The following WWOX variants were observed in gnomAD, a reference collection of about 807,000 sequenced individuals.
The protein encoded by WWOX is WW domain containing oxidoreductase, also known as WW domain-containing oxidoreductase.
WWOX carries 69 observed loss-of-function variants against 46.2 expected under a neutral mutation model. The observed-to-expected ratio is 1.49, with a 90% CI of 1.23 to 1.82. The LOEUF (loss-of-function observed/expected upper bound fraction) is 1.82. Ranked by LOEUF, WWOX falls within the 40% of genes most tolerant of loss-of-function variation. The pLI, the probability that WWOX is intolerant of heterozygous loss-of-function variation, is 0.00. For missense variants in WWOX, 919 were observed against 542.6 expected (o/e 1.69, Z -6.89); for synonymous variants, 359 against 202.6 (o/e 1.77, Z -6.56).
chr16:79,156,044 A>C (rs2050375250), intron 8 of WWOX, among the ~76,000 whole-genome samples: 1 of 152,224 alleles, frequency 6.6e-6, no homozygotes. Flanking sequence ...AATTTCCAGG[A>C]AATCAGACAG....
intron 8 of WWOX, among the ~76,000 whole-genome samples, chr16:78,823,283 G>A (rs2051555168): frequency 6.6e-6 from 1 of 152,202 alleles, no homozygotes; most frequent in Admixed American, 6.5e-5. Context: ...TGGGGCGGCT[G>A]GCGGGTTGGG....
chr16:79,150,998 A>G lies in WWOX; in HGVS notation c.1057-60610A>G, dbSNP rs541099800. Reference sequence around the variant, plus strand: ...TCTCCCTGATTTGAGGCTTTGTAGGACGTTGCACAGGAATTATTTCCCTTT... The same window carrying G: ...TCTCCCTGATTTGAGGCTTTGTAGGGCGTTGCACAGGAATTATTTCCCTTT... On this transcript the variant is annotated intron_variant, in intron 8 of 8. Coordinates refer to ENST00000566780, the MANE Select transcript of WWOX (RefSeq NM_016373.4). 2.0e-5 allele frequency among the ~76,000 whole-genome samples: 3 copies of G among 152,282 alleles called. No individual in the cohort carries two copies. In the South Asian group the frequency reaches 6.2e-4, roughly 32 times the overall value.
chr16:79,045,526 T>C (rs1040700909), intron 8 of WWOX, among the ~76,000 whole-genome samples: 7 of 152,188 alleles, frequency 4.6e-5, no homozygotes, highest in Non-Finnish European at 1.0e-4. Flanking sequence ...GATGAGAAAT[T>C]TCTCCATTCC....
intron 5 of WWOX, among the ~76,000 whole-genome samples, chr16:78,304,575 G>T (rs1053794000): frequency 1.3e-5 from 2 of 152,186 alleles, no homozygotes; most frequent in Non-Finnish European, 2.9e-5. Flanking sequence ...ATTTCATAGA[G>T]ACTTTTTCAT....
intron 8 of WWOX, among the ~76,000 whole-genome samples, chr16:78,547,029 G>C (rs2044049810): frequency 6.6e-6 from 1 of 150,664 alleles, no homozygotes; most frequent in Non-Finnish European, 1.5e-5. Context: ...TTGGGAGGCT[G>C]AGGTTCGAGG....
In WWOX at chr16:78,148,962, G is replaced by A. The variant is rs369696308; in HGVS notation, c.410-15221G>A. Among the ~76,000 whole-genome samples, 46 of 150,800 alleles carry A rather than the reference G, an allele frequency of 3.1e-4. No homozygotes were observed. In the South Asian group the frequency reaches 5.5e-3, roughly 18 times the overall value. On this transcript the variant is annotated intron_variant, in intron 4 of 8. Transcript: ENST00000566780. Reference sequence around the variant, plus strand: ...ATTTTGATTACAAAAAATTTCATGCGGTGTTACTTTCTTTTTATTGGTAGA... The same window carrying A: ...ATTTTGATTACAAAAAATTTCATGCAGTGTTACTTTCTTTTTATTGGTAGA...
At chr16:78,260,271 A>T (rs2038244040) in intron 5 of WWOX, among the ~76,000 whole-genome samples, 2 of 151,730 alleles carry the variant, frequency 1.3e-5, no homozygotes, top group Admixed American at 1.3e-4. Flanking sequence ...GTTAAAAGAG[A>T]AACAAACAGA....
Position 78,676,826 on chromosome 16 carries a change from C to G in WWOX, c.1056+244074C>G, listed in dbSNP as rs777315094. ...CTGATGAACTTTACCTTGATAGGAC[C>G]TCAGGAAAAATAATATTTTCTTAAA... On this transcript the variant is annotated intron_variant, in intron 8 of 8. Transcript: ENST00000566780. 9.2e-5 allele frequency among the ~76,000 whole-genome samples: 14 copies of G among 152,108 alleles called. No individual in the cohort carries two copies. In the East Asian group the frequency reaches 2.5e-3, roughly 27 times the overall value.
chr16:79,091,728 C>G (rs2048963594), intron 8 of WWOX, among the ~76,000 whole-genome samples: 2 of 151,168 alleles, frequency 1.3e-5, no homozygotes, highest in South Asian at 2.1e-4. Context: ...TTGGTTTTCT[C>G]AAGAGGGTTT....
At chr16:79,078,842 G>A (rs1333807715) in intron 8 of WWOX, among the ~76,000 whole-genome samples, 1 of 152,110 alleles carries the variant, frequency 6.6e-6, no homozygotes, top group Admixed American at 6.6e-5. Flanking sequence ...AAAGTGACAT[G>A]GTCCATTTAA....
intron 8 of WWOX, among the ~76,000 whole-genome samples, chr16:78,540,240 G>GAA (rs543785112): frequency 1.3e-4 from 18 of 136,728 alleles, no homozygotes; most frequent in Non-Finnish European, 1.8e-4. Context: ...AGGAGCAACA[G>GAA]AAAAAAAAAA....
At chr16:78,850,163 AGTGT>A (rs1031014691) in intron 8 of WWOX, among the ~76,000 whole-genome samples, 3 of 151,828 alleles carry the variant, frequency 2.0e-5, no homozygotes, top group African/African-American at 4.8e-5. Context: ...AGTGTGTGTG[AGTGT>A]GTGTGTGTAA....
At chr16:78,608,405 A>G (rs1026083857) in intron 8 of WWOX, among the ~76,000 whole-genome samples, 2 of 152,224 alleles carry the variant, frequency 1.3e-5, no homozygotes, top group South Asian at 2.1e-4. Context: ...CCTGTGCTAC[A>G]TAACTGTCTC....
chr16:78,612,621 A>G (rs776256936), intron 8 of WWOX, among the ~76,000 whole-genome samples: 96 of 152,298 alleles, frequency 6.3e-4, no homozygotes, highest in Middle Eastern at 3.4e-3. Flanking sequence ...ACAGTTGTGC[A>G]CTACCACACC....
intron 8 of WWOX, among the ~76,000 whole-genome samples, chr16:79,168,067 T>G (rs1485188267): frequency 6.6e-6 from 1 of 152,222 alleles, no homozygotes; most frequent in East Asian, 1.9e-4. Flanking sequence ...TACTTTATTC[T>G]TTTTTATGGC....
chr16:78,648,888 C>G (rs1248809076), intron 8 of WWOX, among the ~76,000 whole-genome samples: 1 of 152,216 alleles, frequency 6.6e-6, no homozygotes, highest in African/African-American at 2.4e-5. Context: ...TATTTTTACA[C>G]TAGCTTTGCA....
chr16:78,954,469 A>T (rs1030360063), intron 8 of WWOX, among the ~76,000 whole-genome samples: 1 of 152,190 alleles, frequency 6.6e-6, no homozygotes, highest in Non-Finnish European at 1.5e-5. Flanking sequence ...TGAAACTTTT[A>T]TATTTTACTA....
At chr16:78,408,960 G>C (rs1665023265) in intron 6 of WWOX, among the ~76,000 whole-genome samples, 1 of 152,206 alleles carries the variant, frequency 6.6e-6, no homozygotes. Flanking sequence ...CTACTGTACA[G>C]ATGAGAGCCA....
chr16:78,824,933 T>C (rs150943533), intron 8 of WWOX, among the ~76,000 whole-genome samples: 197 of 152,274 alleles, frequency 1.3e-3, no homozygotes, highest in African/African-American at 4.2e-3. Context: ...GTTGCTTTTG[T>C]TTTTATTTGT....
Sources: gnomAD v4.1 joint callset for allele counts (sites outside exome capture counted in the v4.1 genomes callset) on GRCh38, gnomAD v4.1.1 for gene constraint, MANE v1.5 for transcripts, NCBI Gene and HGNC (gene_info 2026-07-23, HGNC 2026-07-21) for gene names.